The following HDAC7 variants were observed in gnomAD, a reference collection of about 807,000 sequenced individuals.
The protein encoded by HDAC7 is histone deacetylase 7A.
HDAC7 carries 26 observed loss-of-function variants against 115.5 expected under a neutral mutation model. The observed-to-expected ratio is 0.23, with a 90% CI of 0.16 to 0.31. The LOEUF (loss-of-function observed/expected upper bound fraction) is 0.31. Among genes scored for constraint, HDAC7 ranks in the 10% least tolerant of loss-of-function variants. The probability of loss-of-function intolerance (pLI) is 1.00; values close to 1 mark genes in which losing one functional copy is unlikely to be tolerated. For missense variants in HDAC7, 1,068 were observed against 1,329.0 expected (o/e 0.80, Z 3.05); for synonymous variants, 564 against 550.9 (o/e 1.02, Z -0.33).
In HDAC7 at chr12:47,814,816, T is replaced by C. The variant is rs757314326; in HGVS notation, c.19+4951A>G. On this transcript the variant is annotated intron_variant, in intron 1 of 25. Transcript: ENST00000080059. The stretch of plus-strand genomic sequence containing the variant: ...CAACCTGGGGAGGTGGGAGACGGCA[T>C]CAATGTCACCTTCTTAGGCAGTCCT... Among the ~76,000 whole-genome samples, 136 of 152,208 alleles carry C rather than the reference T, an allele frequency of 8.9e-4. 1 individual carries two copies. Among genetic ancestry groups the C allele is most frequent in the Middle Eastern group, 3.2e-3 (1 of 316 alleles).
intron 20 of HDAC7, 97 bp downstream of exon 20, chr12:47,787,948 G>A (rs902817739): frequency 1.3e-6 from 2 of 1,575,878 alleles, no homozygotes; most frequent in Non-Finnish European, 1.7e-6. Flanking sequence ...AGGCTCAGCA[G>A]TCTGCCCAGG....
intron 1 of HDAC7, among the ~76,000 whole-genome samples, chr12:47,808,311 C>T (rs1440010104): frequency 6.6e-6 from 1 of 152,188 alleles, no homozygotes; most frequent in Non-Finnish European, 1.5e-5. Context: ...AGCTGGGAGC[C>T]AGTGTCGCCC....
At position 47,791,327 on chromosome 12, in the gene HDAC7, C is replaced by T; in HGVS notation, c.1934-19G>A. 1 of 1,564,620 alleles carries T rather than the reference C, an allele frequency of 6.4e-7. No individual in the cohort carries two copies. The highest frequency in any genetic ancestry group is 8.7e-7 in the Non-Finnish European group (1 of 1,155,132). Reference sequence around the variant, plus strand: ...AGGAGCCCTGCGGGGAGAGGCCCAGCCCACGTCAGCGTGAATACTCTCAGC... The same window carrying T: ...AGGAGCCCTGCGGGGAGAGGCCCAGTCCACGTCAGCGTGAATACTCTCAGC... On this transcript the variant is annotated intron_variant, in intron 15 of 25. Transcript: ENST00000080059.
At chr12:47,784,889 T>A in intron 24 of HDAC7, 1 of 897,462 alleles carries the variant, frequency 1.1e-6, no homozygotes, top group Non-Finnish European at 1.7e-6. Flanking sequence ...TCTATTTTAC[T>A]CATTTTTATC....
At chr12:47,815,788 T>C (rs1232981788) in intron 1 of HDAC7, among the ~76,000 whole-genome samples, 3 of 151,926 alleles carry the variant, frequency 2.0e-5, no homozygotes, top group African/African-American at 7.3e-5. Flanking sequence ...AATTTGTATT[T>C]TTAGTAGAGA....
intron 1 of HDAC7, among the ~76,000 whole-genome samples, chr12:47,815,893 A>AT (rs34394540): frequency 0.43 from 51,185 of 118,276 alleles, 11,562 homozygotes; most frequent in Middle Eastern, 0.52. Flanking sequence ...TCCAGCCAGG[A>AT]TTTTTTTTTT....
chr12:47,812,089 C>A (rs976348800), intron 1 of HDAC7, among the ~76,000 whole-genome samples: 2 of 152,248 alleles, frequency 1.3e-5, no homozygotes, highest in Admixed American at 6.5e-5. Context: ...TCAGGGCCAT[C>A]AGGGGCAGCC....
chr12:47,789,724 C>T (rs774386411), intron 17 of HDAC7, 89 bp downstream of exon 17: 19 of 1,360,524 alleles, frequency 1.4e-5, no homozygotes, highest in South Asian at 8.2e-5. Context: ...AAGAGGAATG[C>T]GATGCCTGGG....
chr12:47,795,388 G>T lies in HDAC7; in HGVS notation c.1088-8C>A. 2 of 1,578,124 alleles carry T rather than the reference G, an allele frequency of 1.3e-6. No individual in the cohort carries two copies. The highest frequency in any genetic ancestry group is 1.7e-6 in the Non-Finnish European group (2 of 1,161,272). ...AGGGCCCAAGCCCGGGCACTGGAAA[G>T]AATCGGGGGGTGGAATAAGGAGGGA... On this transcript the variant is annotated splice_region_variant and splice_polypyrimidine_tract_variant and intron_variant, in intron 10 of 25. Coordinates refer to ENST00000080059, the MANE Select transcript of HDAC7 (RefSeq NM_015401.5). The surrounding 1 kb of genome is among the most constrained non-coding windows in gnomAD (Gnocchi z 4.3).
At position 47,791,624 on chromosome 12, in the gene HDAC7, G is replaced by A. The variant is rs758327200; in HGVS notation, c.1895C>T (p.Pro632Leu). The change falls in exon 15 of 26, where the codon CCG (proline) becomes CTG (leucine). Residue 632 changes from proline (P) to leucine (L), a missense_variant. Physicochemically the swap from Pro to Leu is moderately conservative, Grantham distance 98 (BLOSUM62 -3). Around this residue, in one of 6 missense-constraint regions of HDAC7, gnomAD observed 618 missense variants for 701.5 expected, o/e 0.88. Transcript: ENST00000080059. ...ERHVLLYGTN[P>L]LSRLKLDNGK... ...GTTGTCCAGTTTGAGGCGGCTGAGCGGGTTGGTGCCGTAGAGGAGCACGTG... is the reference window on the plus strand; with the variant it reads ...GTTGTCCAGTTTGAGGCGGCTGAGCAGGTTGGTGCCGTAGAGGAGCACGTG... 103 of 1,611,000 alleles carry A rather than the reference G, an allele frequency of 6.4e-5. No individual in the cohort carries two copies. Among genetic ancestry groups the A allele is most frequent in the East Asian group, 1.6e-4 (7 of 44,820 alleles).
chr12:47,810,279 G>A (rs762180185), intron 1 of HDAC7, among the ~76,000 whole-genome samples: 3 of 152,196 alleles, frequency 2.0e-5, no homozygotes, highest in Non-Finnish European at 4.4e-5. Context: ...TTGCAAATGA[G>A]GAAACTAAGG....
Position 47,791,327 on chromosome 12 carries a change from C to A in HDAC7, c.1934-19G>T. 1 of 1,564,620 alleles carries A rather than the reference C, an allele frequency of 6.4e-7. No individual in the cohort carries two copies. The stretch of plus-strand genomic sequence containing the variant: ...AGGAGCCCTGCGGGGAGAGGCCCAG[C>A]CCACGTCAGCGTGAATACTCTCAGC... On this transcript the variant is annotated intron_variant, in intron 15 of 25. Transcript: ENST00000080059.
intron 1 of HDAC7, among the ~76,000 whole-genome samples, chr12:47,808,982 T>C (rs886779319): frequency 6.6e-6 from 1 of 152,248 alleles, no homozygotes; most frequent in Non-Finnish European, 1.5e-5. Flanking sequence ...CAAAACATCC[T>C]GAGCAGGCAA....
chr12:47,809,018 G>A lies in HDAC7; in HGVS notation c.20-6744C>T, dbSNP rs117361142. On this transcript the variant is annotated intron_variant, in intron 1 of 25. Coordinates refer to ENST00000080059, the MANE Select transcript of HDAC7 (RefSeq NM_015401.5). ...GATTTGAGGCCCTATCTGTAACATG[G>A]GGATAAGTCGGCCAGTTTCTGCCTT... Among the ~76,000 whole-genome samples, 1,264 of 152,298 alleles carry A rather than the reference G, an allele frequency of 8.3e-3. 15 individuals carry two copies. Among genetic ancestry groups the A allele is most frequent in the East Asian group, 0.021 (111 of 5,190 alleles).
At chr12:47,799,011 T>G (rs1265542565) in intron 2 of HDAC7, 39 bp from the exon 3 acceptor site, 8 of 1,397,770 alleles carry the variant, frequency 5.7e-6, no homozygotes, top group Non-Finnish European at 7.6e-6. Context: ...ACTGGAAAGT[T>G]TGTCCTCGGG....
At chr12:47,809,063 T>C (rs903338940) in intron 1 of HDAC7, among the ~76,000 whole-genome samples, 5 of 152,218 alleles carry the variant, frequency 3.3e-5, no homozygotes, top group Non-Finnish European at 7.3e-5. Flanking sequence ...CCTTCGCCTT[T>C]ACCCCTCTGG....
At chr12:47,802,681 G>A (rs1238345249) in intron 1 of HDAC7, among the ~76,000 whole-genome samples, 2 of 152,180 alleles carry the variant, frequency 1.3e-5, no homozygotes, top group African/African-American at 4.8e-5. Context: ...CCAGAGGTGG[G>A]AGAGCCTGGC....
intron 18 of HDAC7, 55 bp from the exon 19 acceptor site, chr12:47,789,403 C>T (rs1309298515): frequency 7.0e-6 from 11 of 1,581,916 alleles, no homozygotes; most frequent in Non-Finnish European, 9.6e-6. Context: ...CCTCACCTCC[C>T]CAGGCCCCTG....
Position 47,795,240 on chromosome 12 carries a change from G to C in HDAC7, c.1228C>G (p.Pro410Ala). Residue 410 changes from proline (P) to alanine (A), a missense_variant, in exon 11 of 26, where the codon CCG becomes GCG. Physicochemically the swap from Pro to Ala is conservative, Grantham distance 27. Transcript: ENST00000080059. This position sits in a 1 kb window ranked among gnomAD's most constrained non-coding sequence, Gnocchi z 4.3. ...TCCAGGCGGGGCTGCATGGGGCCCG[G>C]CGGTGGGGGAGCGGTGGCACTGGGG... Reference protein sequence around the residue: ...LPPSATAPPPPGPMQPRLEQL... With the variant: ...LPPSATAPPPAGPMQPRLEQL... The C allele has an allele frequency of 1.9e-6, 3 of 1,612,778 alleles. No individual in the cohort carries two copies. The highest frequency in any genetic ancestry group is 2.5e-6 in the Non-Finnish European group (3 of 1,179,258).
Sources: allele counts gnomAD v4.1 joint callset (sites outside exome capture counted in the v4.1 genomes callset), GRCh38; gene constraint gnomAD v4.1.1; regional missense constraint gnomAD v4.1.1; non-coding constraint Gnocchi (gnomAD v3.1); transcripts MANE v1.5; gene names NCBI Gene and HGNC (gene_info 2026-07-23, HGNC 2026-07-21).